Variants in HERC2 observed in about 807,000 individuals in gnomAD.
The protein encoded by HERC2 is E3 ubiquitin-protein ligase HERC2.
In HERC2, 102 loss-of-function variants were observed where a neutral mutation model predicts 537.7. The observed-to-expected ratio is 0.19, with a 90% confidence interval of 0.16 to 0.22. The LOEUF is 0.22. HERC2 is among the 10% of genes least tolerant of loss of function. The pLI is 1.00. For synonymous variants in HERC2, 2,224 were observed against 2,466.2 expected (o/e 0.90, Z 2.91); for missense variants, 4,236 against 6,198.2 (o/e 0.68, Z 10.63).
At chr15:28,188,788 C>T (rs80018962) in intron 55 of HERC2, among the ~76,000 whole-genome samples, 114 of 152,112 alleles carry the variant, frequency 7.5e-4, no homozygotes, top group African/African-American at 2.7e-3. Flanking sequence ...TTTTTGTTTA[C>T]ATGTTAGAAA....
intron 2 of HERC2, among the ~76,000 whole-genome samples, chr15:28,319,294 CT>C (rs4036339): frequency 1.1e-4 from 16 of 151,514 alleles, no homozygotes; most frequent in African/African-American, 3.4e-4. Flanking sequence ...ATTTAGATGA[CT>C]TTTTTTTTGG....
Position 28,117,113 on chromosome 15 carries a change from G to A in HERC2, c.13314C>T (p.Asp4438=), listed in dbSNP as rs762374527. Residue 4438 remains aspartate, a synonymous_variant, in exon 87 of 93, where the codon GAC becomes GAT. Coordinates refer to ENST00000261609, the MANE Select transcript of HERC2 (RefSeq NM_004667.6). ...TCTGCCCAAAGACAGACTTGGTGCCGTCGGGGCCGGCCAGCCCGCCTTTGC... is the reference window on the plus strand; with the variant it reads ...TCTGCCCAAAGACAGACTTGGTGCCATCGGGGCCGGCCAGCCCGCCTTTGC... The part of the protein sequence containing the change: ...SRSKGGLAGP[D]GTKSVFGQMC... 59 of 1,613,922 alleles carry A rather than the reference G, an allele frequency of 3.7e-5. No individual in the cohort carries two copies. Among genetic ancestry groups the A allele is most frequent in the East Asian group, 8.9e-5 (4 of 44,884 alleles).
intron 78 of HERC2, among the ~76,000 whole-genome samples, chr15:28,136,670 C>A (rs1213544185): frequency 6.6e-6 from 1 of 152,252 alleles, no homozygotes; most frequent in East Asian, 1.9e-4. Flanking sequence ...TCATTTCTTT[C>A]TGTAAATGAA....
chr15:28,220,620 G>C lies in HERC2; in HGVS notation c.5677C>G (p.Arg1893Gly). Residue 1893 changes from arginine (R) to glycine (G), a missense_variant, in exon 37 of 93, where the codon CGC becomes GGC. Transcript: ENST00000261609. ...TCCTCTCCCAGCTCACCAATCACGC[G>C]GCCTAGGCCTGGAGGAGGCCCATCC... ...DQDGPPPGLGRVIGELGEDGW... is the reference protein window; with the variant it reads ...DQDGPPPGLGGVIGELGEDGW... The C allele has an allele frequency of 3.7e-6, 6 of 1,604,098 alleles. No homozygotes were observed. Among genetic ancestry groups the C allele is most frequent in the Non-Finnish European group, 5.1e-6 (6 of 1,179,830 alleles).
intron 25 of HERC2, among the ~76,000 whole-genome samples, 156 bp downstream of exon 25, chr15:28,237,958 C>A (rs1297311547): frequency 6.6e-6 from 1 of 152,202 alleles, no homozygotes; most frequent in Non-Finnish European, 1.5e-5. Flanking sequence ...AATGTAAATT[C>A]ATTTATGACA....
intron 57 of HERC2, among the ~76,000 whole-genome samples, chr15:28,179,456 C>T (rs1189719862): frequency 6.6e-6 from 1 of 152,178 alleles, no homozygotes; most frequent in African/African-American, 2.4e-5. Context: ...CAACCTATTC[C>T]TCATGTGTCT....
intron 52 of HERC2, 53 bp downstream of exon 52, chr15:28,196,162 T>G: frequency 1.5e-6 from 2 of 1,339,276 alleles, no homozygotes; most frequent in Non-Finnish European, 2.1e-6. Context: ...TGGTCCACAA[T>G]AAGTATTTCA....
Position 28,248,728 on chromosome 15 carries a change from G to A in HERC2, c.3059C>T (p.Ala1020Val). ...QLIQQLLRNI[A>V]SQTVARLKDV... Reference sequence around the variant, plus strand: ...TTTCAATCTGGCTACAGTCTGAGAAGCAATGTTTCTATACAGGAAAGAAGA... The same window carrying A: ...TTTCAATCTGGCTACAGTCTGAGAAACAATGTTTCTATACAGGAAAGAAGA... Residue 1020 changes from alanine to valine, a missense_variant, in exon 21 of 93, where the codon GCT (alanine) becomes GTT (valine). Physicochemically the swap from Ala to Val is moderately conservative, Grantham distance 64. Transcript: ENST00000261609. 6.2e-7 allele frequency: 1 copy of A among 1,612,776 alleles called. No homozygotes were observed. Among genetic ancestry groups the A allele is most frequent in the Non-Finnish European group, 8.5e-7 (1 of 1,179,024 alleles).
chr15:28,289,541 G>GTC lies in HERC2; in HGVS notation c.322+3346_322+3347insGA, dbSNP rs545734304. 1.3e-3 allele frequency among the ~76,000 whole-genome samples: 202 copies of GTC among 152,244 alleles called. 3 individuals are homozygous for GTC. The highest frequency in any genetic ancestry group is 4.5e-3 in the African/African-American group (185 of 41,572). ...GCTCTTCATGCCTCCCCAGCACGAT[G>GTC]GAGATACTCCTGGGAAATAAAGCCA... On this transcript the variant is annotated intron_variant, in intron 4 of 92. Coordinates refer to ENST00000261609, the MANE Select transcript of HERC2 (RefSeq NM_004667.6).
chr15:28,265,807 G>C lies in HERC2; in HGVS notation c.1756+10C>G, dbSNP rs2075549696. On this transcript the variant is annotated intron_variant, in intron 13 of 92. Coordinates refer to ENST00000261609, the MANE Select transcript of HERC2 (RefSeq NM_004667.6). This position sits in a 1 kb window ranked among gnomAD's most constrained non-coding sequence, Gnocchi z 4.0. ...TGCTGCATGCTCCCACTCATGCAGA[G>C]CAGACGTACCATGGCCCAGCCGGCC... 1.2e-6 allele frequency: 2 copies of C among 1,614,164 alleles called. No homozygotes were observed. Among genetic ancestry groups the C allele is most frequent in the South Asian group, 2.2e-5 (2 of 91,084 alleles).
At chr15:28,291,767 T>C (rs1877693055) in intron 4 of HERC2, among the ~76,000 whole-genome samples, 1 of 151,670 alleles carries the variant, frequency 6.6e-6, no homozygotes, top group Non-Finnish European at 1.5e-5. Flanking sequence ...TAGCCGGGTG[T>C]GGTGGTGCAC....
At chr15:28,222,833 G>C (rs542058503) in intron 35 of HERC2, among the ~76,000 whole-genome samples, 33 of 152,290 alleles carry the variant, frequency 2.2e-4, no homozygotes, top group African/African-American at 7.7e-4. Flanking sequence ...CGTGTGATCA[G>C]CCCTAATGGA....
At chr15:28,163,343 G>T in intron 68 of HERC2, 58 bp from the exon 69 acceptor site, 1 of 1,499,914 alleles carries the variant, frequency 6.7e-7, no homozygotes, top group East Asian at 2.3e-5. Flanking sequence ...GAGATAAAGA[G>T]TCACCAGTTT....
chr15:28,149,143 G>A (rs1347180066), intron 70 of HERC2, among the ~76,000 whole-genome samples: 3 of 150,810 alleles, frequency 2.0e-5, no homozygotes, highest in African/African-American at 7.3e-5. Flanking sequence ...AAAAACACAC[G>A]CGACTTCTAA....
chr15:28,130,991 G>A (rs992002085), intron 81 of HERC2, among the ~76,000 whole-genome samples: 1 of 152,142 alleles, frequency 6.6e-6, no homozygotes, highest in African/African-American at 2.4e-5. Context: ...CGGGGGAGGA[G>A]CAGCAGGCAA....
At chr15:28,285,907 GT>G (rs1484706360) in intron 4 of HERC2, among the ~76,000 whole-genome samples, 2 of 150,878 alleles carry the variant, frequency 1.3e-5, no homozygotes, top group Non-Finnish European at 3.0e-5. Flanking sequence ...CTCTACACAT[GT>G]AACTTTGACA....
chr15:28,129,920 C>T (rs898293954), intron 83 of HERC2, among the ~76,000 whole-genome samples: 7 of 152,058 alleles, frequency 4.6e-5, no homozygotes, highest in East Asian at 1.9e-4. Context: ...GAGATGCAGG[C>T]GCGCGCCACC....
At chr15:28,290,951 A>C (rs2076293246) in intron 4 of HERC2, among the ~76,000 whole-genome samples, 1 of 152,212 alleles carries the variant, frequency 6.6e-6, no homozygotes, top group South Asian at 2.1e-4. Context: ...CAGCAGAAAA[A>C]AGGAAATAAT....
chr15:28,287,539 G>A (rs1323996174), intron 4 of HERC2, among the ~76,000 whole-genome samples: 1 of 152,054 alleles, frequency 6.6e-6, no homozygotes, highest in Non-Finnish European at 1.5e-5. Flanking sequence ...GGGAAACAAG[G>A]AGAAAGGCAA....
Sources: gnomAD v4.1 joint callset for allele counts (sites outside exome capture counted in the v4.1 genomes callset) on GRCh38, gnomAD v4.1.1 for gene constraint, Gnocchi (gnomAD v3.1) non-coding constraint, MANE v1.5 for transcripts, NCBI Gene and HGNC (gene_info 2026-07-23, HGNC 2026-07-21) for gene names.